Variants in TMEM267 observed in about 807,000 individuals in gnomAD.
TMEM267 encodes the protein transmembrane protein 267, also known as transmembrane protein C5orf28.
In TMEM267, 20 loss-of-function variants were observed where a neutral mutation model predicts 19.3. The ratio of observed to expected loss-of-function variants is 1.04; its 90% CI spans 0.73 to 1.51. The LOEUF is 1.51. TMEM267 is among the 40% of genes most tolerant of loss of function. The pLI is 0.00. For missense variants in TMEM267, 242 were observed against 261.9 expected (o/e 0.92, Z 0.52); for synonymous variants, 88 against 90.3 (o/e 0.97, Z 0.15).
chr5:43,478,157 G>A (rs78026907), intron 1 of TMEM267, among the ~76,000 whole-genome samples: 2,095 of 152,228 alleles, frequency 0.014, 57 homozygotes, highest in East Asian at 0.13. Flanking sequence ...AGGTAGAAAA[G>A]GCTATAATTA....
At chr5:43,462,737 G>A (rs1682591598) in intron 1 of TMEM267, among the ~76,000 whole-genome samples, 2 of 151,862 alleles carry the variant, frequency 1.3e-5, no homozygotes, top group African/African-American at 2.4e-5. Flanking sequence ...TACAGTCAGA[G>A]GAGACAAAAG....
intron 1 of TMEM267, among the ~76,000 whole-genome samples, chr5:43,467,594 T>C (rs1173825608): frequency 6.6e-6 from 1 of 152,180 alleles, no homozygotes; most frequent in Non-Finnish European, 1.5e-5. Flanking sequence ...GAAATATTAT[T>C]AGAGCTAAAG....
chr5:43,473,471 CAG>C (rs560757523), intron 1 of TMEM267, among the ~76,000 whole-genome samples: 172 of 152,216 alleles, frequency 1.1e-3, no homozygotes, highest in Middle Eastern at 0.01. Context: ...AACAGACAAA[CAG>C]AGAGCCAAAT....
intron 2 of TMEM267, among the ~76,000 whole-genome samples, chr5:43,447,436 C>G (rs1196302946): frequency 6.6e-6 from 1 of 152,100 alleles, no homozygotes. Flanking sequence ...TACTCAATAT[C>G]TGAACCAATA....
intron 2 of TMEM267, 122 bp downstream of exon 2, chr5:43,453,536 T>C: frequency 1.2e-6 from 1 of 850,532 alleles, no homozygotes; most frequent in Non-Finnish European, 1.8e-6. Context: ...GTCAAAAAGG[T>C]TACATGAATG....
intron 2 of TMEM267, among the ~76,000 whole-genome samples, chr5:43,451,187 A>G (rs376762293): frequency 6.6e-5 from 10 of 152,298 alleles, no homozygotes; most frequent in African/African-American, 2.4e-4. Context: ...TCCTCACAAC[A>G]ACCCCACAAG....
chr5:43,457,467 C>T (rs1743019325), intron 1 of TMEM267, among the ~76,000 whole-genome samples: 1 of 152,154 alleles, frequency 6.6e-6, no homozygotes, highest in South Asian at 2.1e-4. Flanking sequence ...CCTCAGGAAA[C>T]TTACAATCAT....
intron 1 of TMEM267, among the ~76,000 whole-genome samples, chr5:43,456,265 C>T (rs1742944657): frequency 6.6e-6 from 1 of 152,098 alleles, no homozygotes; most frequent in South Asian, 2.1e-4. Context: ...TATCTTACTC[C>T]ATATACAAAA....
At chr5:43,452,920 A>G (rs981397497) in intron 2 of TMEM267, among the ~76,000 whole-genome samples, 11 of 152,226 alleles carry the variant, frequency 7.2e-5, no homozygotes, top group Non-Finnish European at 1.3e-4. Flanking sequence ...TCCTTGCTCT[A>G]TGAGTTTAGA....
intron 1 of TMEM267, among the ~76,000 whole-genome samples, chr5:43,458,044 T>C (rs911740043): frequency 6.6e-6 from 1 of 151,986 alleles, no homozygotes; most frequent in Admixed American, 6.6e-5. Flanking sequence ...ACTACAGGCA[T>C]GAGCCATCAT....
Position 43,462,620 on chromosome 5 carries a change from G to T in TMEM267, c.-74-8577C>A, listed in dbSNP as rs181710094. 3.7e-3 allele frequency among the ~76,000 whole-genome samples: 565 copies of T among 152,222 alleles called. 2 individuals carry two copies. The highest frequency in any genetic ancestry group is 5.7e-3 in the Admixed American group (87 of 15,274). ...TTAAACAGAATCAAGCTGAAATTCT[G>T]GAGCTGAAAAATGCAATTGGCATAC... On this transcript the variant is annotated intron_variant, in intron 1 of 2. Transcript: ENST00000397080.
At chr5:43,449,159 C>G (rs1440276125) in intron 2 of TMEM267, among the ~76,000 whole-genome samples, 1 of 152,036 alleles carries the variant, frequency 6.6e-6, no homozygotes, top group African/African-American at 2.4e-5. Context: ...GCTATTCCAG[C>G]TACTCAGGAG....
At chr5:43,471,888 A>C (rs1744100490) in intron 1 of TMEM267, among the ~76,000 whole-genome samples, 2 of 152,196 alleles carry the variant, frequency 1.3e-5, no homozygotes, top group Admixed American at 1.3e-4. Flanking sequence ...GTGGGCAAAA[A>C]TTTCTTGACC....
chr5:43,463,396 T>G (rs1743400432), intron 1 of TMEM267, among the ~76,000 whole-genome samples: 2 of 152,046 alleles, frequency 1.3e-5, no homozygotes, highest in Admixed American at 1.3e-4. Context: ...CTGAAACTAT[T>G]CCAATCAATA....
intron 2 of TMEM267, among the ~76,000 whole-genome samples, chr5:43,449,424 A>G (rs1742449761): frequency 6.6e-6 from 1 of 152,222 alleles, no homozygotes; most frequent in Non-Finnish European, 1.5e-5. Context: ...GAAGAAAAAC[A>G]AAGAAATAGA....
chr5:43,480,235 T>A (rs1744677397), intron 1 of TMEM267, among the ~76,000 whole-genome samples: 2 of 152,100 alleles, frequency 1.3e-5, no homozygotes, highest in Admixed American at 1.3e-4. Context: ...GAGAAGAACC[T>A]AGGCTGGGCA....
intron 2 of TMEM267, among the ~76,000 whole-genome samples, chr5:43,446,898 AGG>A (rs1742276642): frequency 1.3e-5 from 2 of 152,100 alleles, no homozygotes; most frequent in South Asian, 2.1e-4. Context: ...ATAATTATCC[AGG>A]GCCTCTAAGA....
intron 1 of TMEM267, among the ~76,000 whole-genome samples, chr5:43,460,637 G>A (rs983600089): frequency 2.0e-5 from 3 of 152,138 alleles, no homozygotes; most frequent in African/African-American, 7.2e-5. Context: ...GGCAGAGTGG[G>A]GCAGAGAGCA....
At chr5:43,483,599 C>A (rs755224402) in intron 1 of TMEM267, among the ~76,000 whole-genome samples, 15 of 152,156 alleles carry the variant, frequency 9.9e-5, no homozygotes, top group Non-Finnish European at 1.6e-4. Context: ...CCTCGCAGAC[C>A]CCAGGGCCGC....
Sources: allele counts gnomAD v4.1 joint callset (sites outside exome capture counted in the v4.1 genomes callset), GRCh38; gene constraint gnomAD v4.1.1; transcripts MANE v1.5; gene names NCBI Gene and HGNC (gene_info 2026-07-23, HGNC 2026-07-21).